Variants in PCCA observed in about 807,000 individuals in gnomAD.
The protein encoded by PCCA is propionyl-CoA carboxylase alpha chain, mitochondrial.
PCCA carries 74 observed loss-of-function variants against 101.3 expected under a neutral mutation model. That is an observed-to-expected ratio of 0.73 (90% CI 0.61 to 0.89). The LOEUF is 0.89. Among genes scored for constraint, PCCA ranks in the 40% least tolerant of loss-of-function variants. The pLI is 0.00. For synonymous variants in PCCA, 294 were observed against 313.6 expected, an observed-to-expected ratio of 0.94 and a Z score of 0.66; for missense variants, 891 against 907.0, an observed-to-expected ratio of 0.98 and a Z score of 0.23.
intron 20 of PCCA, among the ~76,000 whole-genome samples, chr13:100,428,344 C>T (rs1463180622): frequency 7.2e-5 from 10 of 138,690 alleles, no homozygotes; most frequent in African/African-American, 2.7e-4. Context: ...CCCCCCACCC[C>T]CACCCCCACC....
chr13:100,402,713 G>A (rs1242399701), intron 19 of PCCA, among the ~76,000 whole-genome samples: 1 of 152,150 alleles, frequency 6.6e-6, no homozygotes, highest in Admixed American at 6.5e-5. Context: ...GTGGGCAAGG[G>A]GTGGTATGGG....
At chr13:100,194,009 T>G (rs1472334687) in intron 6 of PCCA, among the ~76,000 whole-genome samples, 1 of 151,474 alleles carries the variant, frequency 6.6e-6, no homozygotes. Flanking sequence ...AAGCGGAGCA[T>G]GCAGTGAGCC....
chr13:100,400,646 T>TTTTTTTG (rs2077298750), intron 19 of PCCA, among the ~76,000 whole-genome samples: 1 of 148,466 alleles, frequency 6.7e-6, no homozygotes, highest in Non-Finnish European at 1.5e-5. Context: ...TTTTTTTTTT[T>TTTTTTTG]TGAGAGTTTT....
intron 4 of PCCA, among the ~76,000 whole-genome samples, chr13:100,137,870 C>G (rs1407780633): frequency 1.3e-5 from 2 of 150,024 alleles, no homozygotes; most frequent in Non-Finnish European, 2.9e-5. Context: ...AGTGCAGTGG[C>G]GCGATTATGG....
intron 22 of PCCA, 86 bp downstream of exon 22, chr13:100,515,653 G>A (rs927129091): frequency 2.0e-5 from 31 of 1,526,304 alleles, no homozygotes; most frequent in East Asian, 6.7e-5. Flanking sequence ...AGCACGATTC[G>A]GCTCTTTGCA....
intron 18 of PCCA, among the ~76,000 whole-genome samples, chr13:100,362,360 T>C (rs2074714288): frequency 6.6e-6 from 1 of 152,218 alleles, no homozygotes; most frequent in Non-Finnish European, 1.5e-5. Context: ...CCAATTATGG[T>C]AACAATAATA....
intron 10 of PCCA, among the ~76,000 whole-genome samples, chr13:100,264,196 C>CATATATGTGATATCTGTATCTCAT (rs746299396): frequency 2.0e-5 from 1 of 51,110 alleles, no homozygotes; most frequent in East Asian, 4.9e-4. Flanking sequence ...ATCTGTATAT[C>CATATATGTGATATCTGTATCTCAT]ATATATGTGA....
rs757599001 is a variant in PCCA, at chr13:100,328,689, AT to A, written c.1430-1850del. 7.6e-3 allele frequency among the ~76,000 whole-genome samples: 744 copies of A among 98,208 alleles called. 9 individuals are homozygous for A. Among genetic ancestry groups the A allele is most frequent in the African/African-American group, 0.018 (523 of 29,104 alleles). The allele number at this position is 98,208 out of a possible 152,430, so 64.4% of individuals were successfully genotyped here. A position where few individuals can be genotyped will look rare whatever the true frequency, so the allele number is the denominator to read the frequency against. ...TTGTTAGGTGTTAGCGTTGAGGTTA[AT>A]TTTTTTTTTTTTTTTTTTTTTGAGA... On this transcript the variant is annotated intron_variant, in intron 16 of 23. Transcript: ENST00000376285.
At chr13:100,167,479 G>C (rs2055165540) in intron 6 of PCCA, among the ~76,000 whole-genome samples, 1 of 152,128 alleles carries the variant, frequency 6.6e-6, no homozygotes, top group Non-Finnish European at 1.5e-5. Flanking sequence ...GAGCCTTGGA[G>C]TTTGAGGCTG....
intron 6 of PCCA, among the ~76,000 whole-genome samples, chr13:100,177,725 C>T (rs1188671328): frequency 6.6e-6 from 1 of 152,082 alleles, no homozygotes; most frequent in East Asian, 1.9e-4. Flanking sequence ...AAAATCATCA[C>T]CTTCAAGTAG....
intron 6 of PCCA, among the ~76,000 whole-genome samples, chr13:100,174,681 T>C (rs2056063673): frequency 1.4e-5 from 2 of 148,038 alleles, no homozygotes; most frequent in Admixed American, 6.9e-5. Context: ...TGAGCCAAGA[T>C]TGCACCATTG....
rs374928027 is a variant in PCCA at position 100,278,682 on chromosome 13, G to A, written c.1065+5336G>A. Among the ~76,000 whole-genome samples, 153 of 152,194 alleles carry A rather than the reference G, an allele frequency of 1.0e-3. 4 individuals are homozygous for A. The South Asian group carries it at 0.028, about 28-fold the overall frequency. On this transcript the variant is annotated intron_variant, in intron 12 of 23. Coordinates refer to ENST00000376285, the MANE Select transcript of PCCA (RefSeq NM_000282.4). ...TTTAGTAGAGACAGGGTTTCACCAC[G>A]TTGACCAGGATGGTCTCAGTTTCTT... is the stretch of plus-strand genomic sequence containing the variant.
At chr13:100,256,166 C>G (rs983955693) in intron 8 of PCCA, among the ~76,000 whole-genome samples, 1 of 152,072 alleles carries the variant, frequency 6.6e-6, no homozygotes, top group African/African-American at 2.4e-5. Context: ...ACCACCACAC[C>G]CAGCTAAGTT....
At chr13:100,129,394 A>G (rs56206353) in intron 4 of PCCA, among the ~76,000 whole-genome samples, 16,881 of 152,142 alleles carry the variant, frequency 0.11, 1,058 homozygotes, top group Middle Eastern at 0.17. Context: ...TTGGAATTTT[A>G]GTTCATAGGC....
At chr13:100,482,006 A>G (rs2083982743) in intron 21 of PCCA, among the ~76,000 whole-genome samples, 1 of 152,260 alleles carries the variant, frequency 6.6e-6, no homozygotes, top group African/African-American at 2.4e-5. Context: ...ATTGAATATG[A>G]ATAATAAAAA....
intron 7 of PCCA, among the ~76,000 whole-genome samples, chr13:100,214,575 C>T (rs764685079): frequency 2.0e-5 from 3 of 151,906 alleles, no homozygotes; most frequent in Non-Finnish European, 2.9e-5. Flanking sequence ...TAGGCATGCA[C>T]CACCACGCCC....
chr13:100,300,347 C>CT (rs924703870), intron 12 of PCCA, among the ~76,000 whole-genome samples: 25 of 150,904 alleles, frequency 1.7e-4, no homozygotes, highest in East Asian at 1.4e-3. Flanking sequence ...TTTTACAAAG[C>CT]TTTTTTTTTA....
At chr13:100,407,779 A>G (rs183053367) in intron 19 of PCCA, among the ~76,000 whole-genome samples, 35 of 152,304 alleles carry the variant, frequency 2.3e-4, no homozygotes, top group Non-Finnish European at 1.5e-5. Flanking sequence ...TACTGTTCTT[A>G]CATACCTTGC....
chr13:100,090,139 A>T (rs1053838727), intron 1 of PCCA, among the ~76,000 whole-genome samples: 7 of 152,140 alleles, frequency 4.6e-5, no homozygotes, highest in Non-Finnish European at 8.8e-5. Context: ...ACATAACTTG[A>T]TTTATAGTCA....
Sources: allele counts gnomAD v4.1 joint callset (sites outside exome capture counted in the v4.1 genomes callset), GRCh38; gene constraint gnomAD v4.1.1; transcripts MANE v1.5; gene names NCBI Gene and HGNC (gene_info 2026-07-23, HGNC 2026-07-21).